Variants in PLAAT1 observed in about 807,000 individuals in gnomAD.
PLAAT1 encodes phospholipase A and acyltransferase 1.
A neutral mutation model predicts 16.4 loss-of-function variants in PLAAT1; 13 were observed. The ratio of observed to expected loss-of-function variants is 0.79; its 90% CI spans 0.52 to 1.26. The LOEUF (loss-of-function observed/expected upper bound fraction) is 1.26, where lower values mean the gene tolerates loss of function less well. Ranked by LOEUF, PLAAT1 falls within the 50% of genes most tolerant of loss-of-function variation. PLAAT1 has a pLI of 0.00. For missense variants in PLAAT1, 218 were observed against 207.8 expected (o/e 1.05, Z -0.30); for synonymous variants, 73 against 78.4 (o/e 0.93, Z 0.36).
At chr3:193,270,491 C>G in intron 3 of PLAAT1, 113 bp from the exon 4 acceptor site, 1 of 774,080 alleles carries the variant, frequency 1.3e-6, no homozygotes, top group Non-Finnish European at 2.0e-6. Flanking sequence ...TTAGATGTAT[C>G]CATTGTACAT....
downstream of PLAAT1, among the ~76,000 whole-genome samples, chr3:193,273,377 G>C (rs1717052020): frequency 1.3e-5 from 2 of 152,232 alleles, no homozygotes; most frequent in South Asian, 4.2e-4. Flanking sequence ...TACAAGAAAA[G>C]GTTAAAAAGC....
rs1221143206 is a variant in PLAAT1 at position 193,276,630 on chromosome 3, A to G, written c.*60-1006A>G. On this transcript the variant is annotated intron_variant and NMD_transcript_variant, in intron 2 of 2. Coordinates refer to the PLAAT1 transcript ENST00000416012. ...CCAAAAGAATATGTACCATTTTAAT[A>G]AACCCTTAATAACTGTCATTTTGGG... The G allele has an allele frequency of 8.8e-6, 6 of 680,960 alleles. No individual in the cohort carries two copies. The African/African-American group carries it at 9.0e-5, about 10-fold the overall frequency. The allele number at this position is 680,960 out of a possible 1,614,324, so 42.2% of individuals were successfully genotyped here.
chr3:193,278,339 C>T (rs1044305434), downstream of PLAAT1, among the ~76,000 whole-genome samples: 7 of 152,180 alleles, frequency 4.6e-5, no homozygotes, highest in African/African-American at 1.7e-4. Flanking sequence ...GAAGCCTGCT[C>T]AGATAGCTTC....
rs982059910 is a variant in PLAAT1 at position 193,262,823 on chromosome 3, G to T, written c.140-147G>T. Reference sequence around the variant, plus strand: ...CTAAGTTATAGAATAACTGCTTAAGGCTGATGAGATTAAATGACTTTGGTT... The same window carrying T: ...CTAAGTTATAGAATAACTGCTTAAGTCTGATGAGATTAAATGACTTTGGTT... On this transcript the variant is annotated intron_variant, in intron 2 of 3. Coordinates refer to ENST00000264735, the MANE Select transcript of PLAAT1 (RefSeq NM_020386.5). 10 of 753,780 alleles carry T rather than the reference G, an allele frequency of 1.3e-5. No individual in the cohort carries two copies. In the African/African-American group the frequency reaches 1.7e-4, roughly 13 times the overall value. 46.7% of individuals were successfully genotyped at this position (753,780 alleles called of 1,614,324 possible). A position where few individuals can be genotyped will look rare whatever the true frequency, so the allele number is the denominator to read the frequency against.
At chr3:193,241,714 C>G (rs1216856376) in intron 1 of PLAAT1, among the ~76,000 whole-genome samples, 181 bp downstream of exon 1, 1 of 152,208 alleles carries the variant, frequency 6.6e-6, no homozygotes, top group East Asian at 1.9e-4. Flanking sequence ...CTAGGTTACA[C>G]AGCTATTAAG....
At chr3:193,250,189 T>C (rs1378432158) in intron 1 of PLAAT1, among the ~76,000 whole-genome samples, 3 of 152,172 alleles carry the variant, frequency 2.0e-5, no homozygotes, top group African/African-American at 4.8e-5. Flanking sequence ...CTCTTTGTGC[T>C]TGTAAAATCT....
At chr3:193,254,240 A>G (rs1716296282) in intron 1 of PLAAT1, among the ~76,000 whole-genome samples, 1 of 152,190 alleles carries the variant, frequency 6.6e-6, no homozygotes, top group African/African-American at 2.4e-5. Flanking sequence ...CAGATGGCAT[A>G]CAAACACTTG....
chr3:193,241,572 C>T (rs1417402617), intron 1 of PLAAT1, 39 bp downstream of exon 1: 4 of 1,221,980 alleles, frequency 3.3e-6, no homozygotes, highest in African/African-American at 1.6e-5. Flanking sequence ...CGAGGCGCCC[C>T]GGCAACCAAC....
chr3:193,263,471 G>A (rs959433908), intron 3 of PLAAT1, among the ~76,000 whole-genome samples: 3 of 128,786 alleles, frequency 2.3e-5, no homozygotes, highest in Admixed American at 1.7e-4. Context: ...CAAGACAATA[G>A]CATTCTGTCA....
chr3:193,241,242 C>G lies in PLAAT1; in HGVS notation c.-292C>G. The G allele has an allele frequency of 8.2e-7, 1 of 1,225,802 alleles. No homozygotes were observed. The highest frequency in any genetic ancestry group is 1.0e-6 in the Non-Finnish European group (1 of 984,206). The allele number at this position is 1,225,802 out of a possible 1,614,324, so 75.9% of individuals were successfully genotyped here. A position where few individuals can be genotyped will look rare whatever the true frequency, so the allele number is the denominator to read the frequency against. ...CCATGGTCAGAGCCTCGTGCCGGCT[C>G]GGCAGCGCCCGGACGCCGAGCCCAG... is the stretch of plus-strand genomic sequence containing the variant. On this transcript the variant is annotated 5_prime_UTR_variant, in exon 1 of 4. Coordinates refer to ENST00000264735, the MANE Select transcript of PLAAT1 (RefSeq NM_020386.5).
Position 193,261,380 on chromosome 3 carries a change from G to A in PLAAT1, c.140-1590G>A, listed in dbSNP as rs572538289. On this transcript the variant is annotated intron_variant, in intron 2 of 3. Transcript: ENST00000264735. ...AAGACTCCATAAAAAAAAAAAAAGTGTATGCAGATAACAAATAAATAACCT... is the reference window on the plus strand; with the variant it reads ...AAGACTCCATAAAAAAAAAAAAAGTATATGCAGATAACAAATAAATAACCT... Among the ~76,000 whole-genome samples the A allele has an allele frequency of 1.9e-3, 285 of 151,858 alleles. 2 individuals carry two copies. The highest frequency in any genetic ancestry group is 3.3e-3 in the Non-Finnish European group (227 of 67,922).
At chr3:193,272,704 G>T (rs1717024109), downstream of PLAAT1, among the ~76,000 whole-genome samples, 1 of 152,204 alleles carries the variant, frequency 6.6e-6, no homozygotes, top group East Asian at 1.9e-4. Context: ...CACTCCAGAA[G>T]ACAGTCCTGT....
At chr3:193,279,520 G>C (rs1717384632), downstream of PLAAT1, 1 of 1,303,056 alleles carries the variant, frequency 7.7e-7, no homozygotes, top group East Asian at 2.3e-5. Flanking sequence ...GGCACACATT[G>C]CAGAATCAAT....
At chr3:193,244,432 A>G (rs1478756381) in intron 1 of PLAAT1, among the ~76,000 whole-genome samples, 2 of 150,358 alleles carry the variant, frequency 1.3e-5, no homozygotes, top group African/African-American at 2.5e-5. Context: ...TTTTTATTTT[A>G]GCTATTCTGT....
At chr3:193,251,039 C>G (rs1303365245) in intron 1 of PLAAT1, among the ~76,000 whole-genome samples, 1 of 135,424 alleles carries the variant, frequency 7.4e-6, no homozygotes, top group Non-Finnish European at 1.7e-5. Flanking sequence ...ATCTCCTGTT[C>G]AAGCAAGAAG....
At chr3:193,240,726 T>G (rs1282161570), upstream of PLAAT1, among the ~76,000 whole-genome samples, 1 of 149,840 alleles carries the variant, frequency 6.7e-6, no homozygotes, top group Non-Finnish European at 1.5e-5. Flanking sequence ...TGTGTGTGTG[T>G]GGTGTGGTGT....
chr3:193,241,567 C>A (rs540987456), intron 1 of PLAAT1, 34 bp downstream of exon 1: 4 of 1,227,106 alleles, frequency 3.3e-6, no homozygotes, highest in Middle Eastern at 3.1e-4. Context: ...GACCTCGAGG[C>A]GCCCCGGCAA....
chr3:193,240,686 G>GTGTGTGTGT (rs1715685085), upstream of PLAAT1, among the ~76,000 whole-genome samples: 9 of 47,176 alleles, frequency 1.9e-4, no homozygotes, highest in East Asian at 6.1e-4. Context: ...TGTGTGTGTG[G>GTGTGTGTGT]TTGGAGGTCT....
intron 1 of PLAAT1, among the ~76,000 whole-genome samples, chr3:193,243,862 C>G (rs1294621424): frequency 1.3e-5 from 2 of 152,224 alleles, no homozygotes; most frequent in Non-Finnish European, 2.9e-5. Flanking sequence ...ACTTCCCTCC[C>G]ACTGCCTCCT....
Sources: allele counts gnomAD v4.1 joint callset (sites outside exome capture counted in the v4.1 genomes callset), GRCh38; gene constraint gnomAD v4.1.1; transcripts MANE v1.5; gene names NCBI Gene and HGNC (gene_info 2026-07-23, HGNC 2026-07-21).